CDH13: variants seen among roughly 807,000 people sequenced by gnomAD.
The protein encoded by CDH13 is cadherin 13, also known as cadherin-13.
Under a neutral mutation model 63.8 loss-of-function variants are expected in CDH13, and 24 were observed. The observed-to-expected ratio is 0.38, with a 90% CI of 0.27 to 0.53. The LOEUF (loss-of-function observed/expected upper bound fraction) is 0.53, where lower values mean the gene tolerates loss of function less well. Among genes scored for constraint, CDH13 ranks in the 20% least tolerant of loss-of-function variants. The pLI, the probability that CDH13 is intolerant of heterozygous loss-of-function variation, is 0.85. For synonymous variants in CDH13, 503 were observed against 355.3 expected, an observed-to-expected ratio of 1.42 and a Z score of -4.67; for missense variants, 1,049 against 903.1, an observed-to-expected ratio of 1.16 and a Z score of -2.07.
chr16:83,249,646 A>G (rs1309080187), intron 5 of CDH13, among the ~76,000 whole-genome samples: 2 of 152,202 alleles, frequency 1.3e-5, no homozygotes, highest in African/African-American at 4.8e-5. Context: ...ATGCCATCGA[A>G]GTAGATTTGT....
At chr16:82,990,125 C>T (rs1911477395) in intron 2 of CDH13, 2 of 152,068 alleles carry the variant, frequency 1.3e-5, no homozygotes. Context: ...AAACAACTTA[C>T]CTTTATCTGT....
At position 83,582,655 on chromosome 16, in the gene CDH13, C is replaced by T. The variant is rs1298088956; in HGVS notation, c.961-19799C>T. 3.9e-5 allele frequency among the ~76,000 whole-genome samples: 6 copies of T among 152,138 alleles called. No homozygotes were observed. The East Asian group carries it at 5.8e-4, about 15-fold the overall frequency. On this transcript the variant is annotated intron_variant, in intron 7 of 13. Transcript: ENST00000567109. ...GGAGTGGAGACATTCACTTCCCAGC[C>T]GTGGGACATTTACCCAAACCACTGC... is the stretch of plus-strand genomic sequence containing the variant.
At chr16:82,876,985 G>C (rs1465484111) in intron 2 of CDH13, among the ~76,000 whole-genome samples, 1 of 152,128 alleles carries the variant, frequency 6.6e-6, no homozygotes, top group African/African-American at 2.4e-5. Flanking sequence ...ATACTATACA[G>C]TAAATACAAC....
chr16:82,909,252 A>ATATGTGTGTGTGTGTGTG (rs1428605467), intron 2 of CDH13, among the ~76,000 whole-genome samples: 1 of 146,840 alleles, frequency 6.8e-6, no homozygotes, highest in Non-Finnish European at 1.5e-5. Context: ...CTGACTGTAT[A>ATATGTGTGTGTGTGTGTG]TGTGTGTGTG....
intron 1 of CDH13, among the ~76,000 whole-genome samples, chr16:82,840,120 C>A (rs1281123847): frequency 6.6e-6 from 1 of 152,026 alleles, no homozygotes; most frequent in Admixed American, 6.5e-5. Context: ...GACCACCTTC[C>A]CCACAATGAA....
chr16:82,884,241 C>T, intron 2 of CDH13: 3 of 455,094 alleles, frequency 6.6e-6, no homozygotes, highest in Non-Finnish European at 1.3e-5. Flanking sequence ...AAAGCCTGGG[C>T]TCCCATGAGA....
At chr16:83,176,355 C>G (rs144039727) in intron 4 of CDH13, among the ~76,000 whole-genome samples, 2,416 of 151,248 alleles carry the variant, frequency 0.016, 75 homozygotes, top group African/African-American at 0.055. Flanking sequence ...TCTAAAAATA[C>G]AAAAATTAGC....
At chr16:82,860,466 A>G (rs2039899578) in intron 2 of CDH13, among the ~76,000 whole-genome samples, 1 of 151,018 alleles carries the variant, frequency 6.6e-6, no homozygotes, top group African/African-American at 2.4e-5. Context: ...GCTTCTGGGT[A>G]AGCTAGTAAA....
At chr16:82,812,458 C>G (rs960754479) in intron 1 of CDH13, among the ~76,000 whole-genome samples, 10 of 152,088 alleles carry the variant, frequency 6.6e-5, no homozygotes, top group Admixed American at 6.6e-4. Context: ...TTGGAGGGAG[C>G]AGCCACAAAG....
chr16:83,157,227 G>T (rs1001308413), intron 4 of CDH13, among the ~76,000 whole-genome samples: 33 of 152,148 alleles, frequency 2.2e-4, no homozygotes, highest in Non-Finnish European at 1.2e-4. Flanking sequence ...TAACGGTATT[G>T]TGATTCAGAT....
chr16:83,472,582 G>C (rs958287801), intron 6 of CDH13, among the ~76,000 whole-genome samples: 2 of 152,178 alleles, frequency 1.3e-5, no homozygotes, highest in Non-Finnish European at 2.9e-5. Context: ...CTCTTAAGTT[G>C]TGTCCATTGG....
At chr16:83,044,100 T>C (rs567771743) in intron 3 of CDH13, among the ~76,000 whole-genome samples, 75 of 152,312 alleles carry the variant, frequency 4.9e-4, no homozygotes, top group African/African-American at 1.6e-3. Context: ...AACATTGCCT[T>C]TGGCCTTAGA....
chr16:83,605,951 C>A (rs143119342), intron 8 of CDH13, among the ~76,000 whole-genome samples: 4 of 152,116 alleles, frequency 2.6e-5, no homozygotes, highest in African/African-American at 9.7e-5. Flanking sequence ...GGCCTCGGGA[C>A]AAAAGCGAGA....
chr16:83,794,068 G>T (rs1490723685), intron 13 of CDH13, among the ~76,000 whole-genome samples: 1 of 152,184 alleles, frequency 6.6e-6, no homozygotes, highest in South Asian at 2.1e-4. Context: ...GCAACCCTTA[G>T]AGGCCAGGAA....
intron 5 of CDH13, among the ~76,000 whole-genome samples, chr16:83,233,939 T>C (rs1335567484): frequency 1.3e-5 from 2 of 152,226 alleles, no homozygotes; most frequent in Non-Finnish European, 2.9e-5. Flanking sequence ...TAGGAACTTG[T>C]TCAAGGTCAC....
intron 5 of CDH13, among the ~76,000 whole-genome samples, chr16:83,342,131 G>T (rs762287318): frequency 6.6e-6 from 1 of 151,870 alleles, no homozygotes; most frequent in Non-Finnish European, 1.5e-5. Flanking sequence ...CACTCAAAAC[G>T]TTCCTAGTTT....
intron 5 of CDH13, among the ~76,000 whole-genome samples, chr16:83,233,196 C>A (rs2040051653): frequency 6.6e-6 from 1 of 152,100 alleles, no homozygotes; most frequent in Non-Finnish European, 1.5e-5. Context: ...CTTTTCTTTC[C>A]CAGCAGTTTT....
chr16:83,164,264 G>C (rs1033709897), intron 4 of CDH13, among the ~76,000 whole-genome samples: 1 of 151,920 alleles, frequency 6.6e-6, no homozygotes, highest in Non-Finnish European at 1.5e-5. Flanking sequence ...CTGAAGGTTG[G>C]ACAGATTCAA....
chr16:83,493,140 AT>A (rs1440119189), intron 7 of CDH13, among the ~76,000 whole-genome samples: 2 of 152,222 alleles, frequency 1.3e-5, no homozygotes, highest in Non-Finnish European at 2.9e-5. Flanking sequence ...AAAAATTCAA[AT>A]AAGATGTGCC....
Sources: gnomAD v4.1 joint callset for allele counts (sites outside exome capture counted in the v4.1 genomes callset) on GRCh38, gnomAD v4.1.1 for gene constraint, MANE v1.5 for transcripts, NCBI Gene and HGNC (gene_info 2026-07-23, HGNC 2026-07-21) for gene names.